The following GFRA2 variants were observed in gnomAD, a reference collection of about 807,000 sequenced individuals.
GFRA2 encodes the protein GDNF family receptor alpha 2, also known as GDNF family receptor alpha-2.
In GFRA2, 17 loss-of-function variants were observed where a neutral mutation model predicts 48.3. The ratio of observed to expected loss-of-function variants is 0.35; its 90% CI spans 0.24 to 0.53. The LOEUF (loss-of-function observed/expected upper bound fraction) is 0.53, where lower values mean the gene tolerates loss of function less well. GFRA2 is among the 20% of genes least tolerant of loss of function. GFRA2 has a pLI of 0.93. For missense variants in GFRA2, 660 were observed against 637.3 expected (o/e 1.04, Z -0.38); for synonymous variants, 305 against 257.2 (o/e 1.19, Z -1.78).
intron 1 of GFRA2, among the ~76,000 whole-genome samples, chr8:21,784,904 C>T (rs1357527528): frequency 6.6e-6 from 1 of 152,186 alleles, no homozygotes; most frequent in Non-Finnish European, 1.5e-5. Context: ...GACCCGCGTA[C>T]AGCCGGGCCC....
chr8:21,705,035 T>A lies in GFRA2; in HGVS notation c.995A>T (p.Glu332Val). Residue 332 changes from glutamate (E) to valine (V), a missense_variant, in exon 6 of 9, where the codon GAG becomes GTG. Glu to Val is a moderately radical substitution (Grantham distance 121). Transcript: ENST00000524240. ...CCTGAGGAACTTCTCACACTCCTCC[T>A]CCATGTTCCCGCTGCCACGACAGCT... Reference protein sequence around the residue: ...WCSCRGSGNMEEECEKFLRDF... With the variant: ...WCSCRGSGNMVEECEKFLRDF... The A allele has an allele frequency of 6.2e-7, 1 of 1,610,746 alleles. No homozygotes were observed. The highest frequency in any genetic ancestry group is 1.1e-5 in the South Asian group (1 of 89,938).
intron 7 of GFRA2, among the ~76,000 whole-genome samples, chr8:21,696,598 G>C (rs1434110013): frequency 6.6e-6 from 1 of 152,166 alleles, no homozygotes; most frequent in Non-Finnish European, 1.5e-5. Context: ...AAAGCAACCA[G>C]CACACACCAA....
intron 4 of GFRA2, among the ~76,000 whole-genome samples, chr8:21,718,316 T>C (rs2117432631): frequency 6.6e-6 from 1 of 152,354 alleles, no homozygotes; most frequent in African/African-American, 2.4e-5. Context: ...TGCTCGTCCT[T>C]GCCTTCTGCC....
At position 21,702,944 on chromosome 8, in the gene GFRA2, T is replaced by G. The variant is rs1042168415; in HGVS notation, c.1079A>C (p.Asp360Ala). ...NAIQAFGNGT[D>A]VNVSPKGPSF... ...GGGGCCTTTTGGGGACACGTTCACG[T>G]CCGTGCCGTTGCCAAAGGCCTGGAT... Residue 360 changes from aspartate (D) to alanine (A), a missense_variant, in exon 7 of 9, where the codon GAC becomes GCC. Asp to Ala is a moderately radical substitution (Grantham distance 126, BLOSUM62 -2). Coordinates refer to ENST00000524240, the MANE Select transcript of GFRA2 (RefSeq NM_001495.5). 6.4e-7 allele frequency: 1 copy of G among 1,551,924 alleles called. No individual in the cohort carries two copies. The highest frequency in any genetic ancestry group is 2.0e-5 in the Admixed American group (1 of 49,310).
intron 4 of GFRA2, among the ~76,000 whole-genome samples, chr8:21,738,498 A>G (rs959498870): frequency 3.3e-5 from 5 of 151,656 alleles, no homozygotes; most frequent in African/African-American, 1.2e-4. Context: ...GGCCAAAGGG[A>G]TCTTTCTAAA....
rs114200327 is a variant in GFRA2 at position 21,719,022 on chromosome 8, C to A, written c.795-12981G>T. ...TGGTGCCACCTGCCTCCTTGGCCCC[C>A]CCTTGCCATCCAGCCTGGAGCTCAC... On this transcript the variant is annotated intron_variant, in intron 4 of 8. Coordinates refer to ENST00000524240, the MANE Select transcript of GFRA2 (RefSeq NM_001495.5). Among the ~76,000 whole-genome samples, 662 of 152,202 alleles carry A rather than the reference C, an allele frequency of 4.3e-3. 4 individuals are homozygous for A. The highest frequency in any genetic ancestry group is 0.015 in the African/African-American group (637 of 41,520).
At chr8:21,729,080 AGGTGAC>A (rs1263111783) in intron 4 of GFRA2, among the ~76,000 whole-genome samples, 3 of 152,250 alleles carry the variant, frequency 2.0e-5, no homozygotes, top group African/African-American at 7.2e-5. Flanking sequence ...AAGGCAGCCC[AGGTGAC>A]TCTCTGCTCA....
chr8:21,776,552 C>G (rs1306626819), intron 2 of GFRA2, among the ~76,000 whole-genome samples: 1 of 150,980 alleles, frequency 6.6e-6, no homozygotes, highest in South Asian at 2.1e-4. Flanking sequence ...ACTGCTGCAA[C>G]CTCTATCTCC....
At chr8:21,716,172 A>T (rs374554592) in intron 4 of GFRA2, among the ~76,000 whole-genome samples, 8 of 152,042 alleles carry the variant, frequency 5.3e-5, no homozygotes, top group African/African-American at 1.9e-4. Context: ...AAAATCGAAA[A>T]ATTAGCCAGG....
intron 2 of GFRA2, among the ~76,000 whole-genome samples, chr8:21,777,403 T>C (rs1264226403): frequency 2.0e-5 from 1 of 50,818 alleles, no homozygotes; most frequent in East Asian, 5.6e-4. Flanking sequence ...ATTAATGGGG[T>C]GGGGGTGGCA....
intron 4 of GFRA2, among the ~76,000 whole-genome samples, chr8:21,746,358 C>A (rs1267989006): frequency 6.6e-6 from 1 of 152,164 alleles, no homozygotes; most frequent in Admixed American, 6.5e-5. Context: ...AGGTTCCGCC[C>A]TCATTCCTTC....
rs1585233702 is a variant in GFRA2 at position 21,706,249 on chromosome 8, C to T, written c.795-208G>A. 1.2e-5 allele frequency: 8 copies of T among 648,028 alleles called. 1 individual carries two copies. The Admixed American group carries it at 1.6e-4, about 13-fold the overall frequency. 40.1% of individuals were successfully genotyped at this position (648,028 alleles called of 1,614,324 possible). On this transcript the variant is annotated intron_variant, in intron 4 of 8. Transcript: ENST00000524240. ...TGAGGACAGAGACTTCCCGGAGAGA[C>T]AGGCACATAGTGCGGCTTAAGAAAA...
chr8:21,735,788 TC>T (rs1454421630), intron 4 of GFRA2, among the ~76,000 whole-genome samples: 2 of 151,864 alleles, frequency 1.3e-5, no homozygotes, highest in Non-Finnish European at 2.9e-5. Context: ...CATCTCAGCT[TC>T]CTGAGTAGCC....
chr8:21,799,464 G>A (rs1807733992), intron 2 of GFRA2, among the ~76,000 whole-genome samples: 1 of 152,028 alleles, frequency 6.6e-6, no homozygotes. Flanking sequence ...CCAAAGTGCT[G>A]GGATTACAGG....
At position 21,788,113 on chromosome 8, in the gene GFRA2, T is replaced by C; in HGVS notation, c.40+7A>G. ...CCCCCTCGAGCTCGCCGCCCGCAGG[T>C]ACTCACCTAGAAAGAAGAAGAGGCA... On this transcript the variant is annotated splice_region_variant and intron_variant, in intron 1 of 8. Coordinates refer to ENST00000524240, the MANE Select transcript of GFRA2 (RefSeq NM_001495.5). The C allele has an allele frequency of 7.3e-7, 1 of 1,375,974 alleles. No individual in the cohort carries two copies. The highest frequency in any genetic ancestry group is 2.1e-5 in the Admixed American group (1 of 48,566). 85.2% of individuals were successfully genotyped at this position (1,375,974 alleles called of 1,614,324 possible).
upstream of GFRA2, among the ~76,000 whole-genome samples, chr8:21,789,007 G>T (rs1807427638): frequency 7.0e-6 from 1 of 143,102 alleles, no homozygotes; most frequent in Non-Finnish European, 1.5e-5. Context: ...CGGGCTCGGC[G>T]CTCGGGCTCC....
Position 21,718,419 on chromosome 8 carries a change from A to G in GFRA2, c.795-12378T>C, listed in dbSNP as rs527767326. ...GCCCAGTCTCAGGTATGTCCTTATCAGCAGTGTGAAAACAGACTAATAGAC... is the reference window on the plus strand; with the variant it reads ...GCCCAGTCTCAGGTATGTCCTTATCGGCAGTGTGAAAACAGACTAATAGAC... On this transcript the variant is annotated intron_variant, in intron 4 of 8. Transcript: ENST00000524240. Among the ~76,000 whole-genome samples, 5 of 152,358 alleles carry G rather than the reference A, an allele frequency of 3.3e-5. No homozygotes were observed. In the East Asian group the frequency reaches 7.7e-4, roughly 23 times the overall value.
intron 4 of GFRA2, among the ~76,000 whole-genome samples, chr8:21,747,567 C>A (rs1805067992): frequency 6.6e-6 from 1 of 152,140 alleles, no homozygotes; most frequent in Non-Finnish European, 1.5e-5. Context: ...TCCAGGAGAG[C>A]TTGGTCTGCA....
Position 21,727,929 on chromosome 8 carries a change from A to G in GFRA2, c.795-21888T>C, listed in dbSNP as rs1803962879. ...AGTGTGTAGATGCACCGTGCAGATG[A>G]GTCTGGGCCGCCCTTCAGCCCAGGC... On this transcript the variant is annotated intron_variant, in intron 4 of 8. Coordinates refer to ENST00000524240, the MANE Select transcript of GFRA2 (RefSeq NM_001495.5). 2.6e-5 allele frequency among the ~76,000 whole-genome samples: 4 copies of G among 150,986 alleles called. No homozygotes were observed. The South Asian group carries it at 8.4e-4, about 32-fold the overall frequency.
Sources: allele counts gnomAD v4.1 joint callset (sites outside exome capture counted in the v4.1 genomes callset), GRCh38; gene constraint gnomAD v4.1.1; transcripts MANE v1.5; gene names NCBI Gene and HGNC (gene_info 2026-07-23, HGNC 2026-07-21).